GLDC: variants seen among roughly 807,000 people sequenced by gnomAD.
The protein encoded by GLDC is glycine decarboxylase.
GLDC carries 104 observed loss-of-function variants against 121.3 expected under a neutral mutation model. That is an observed-to-expected ratio of 0.86 (90% CI 0.73 to 1.01). The LOEUF is 1.01. Ranked by LOEUF, GLDC falls within the 50% of genes least tolerant of loss-of-function variation. The pLI is 0.00. For synonymous variants in GLDC, 546 were observed against 480.6 expected (o/e 1.14, Z -1.78); for missense variants, 1,429 against 1,306.6 (o/e 1.09, Z -1.44).
rs563282026 is a variant in GLDC, at chr9:6,567,895, A to G, written c.1851-2466T>C. Among the ~76,000 whole-genome samples, 44 of 152,372 alleles carry G rather than the reference A, an allele frequency of 2.9e-4. No homozygotes were observed. The South Asian group carries it at 9.1e-3, about 32-fold the overall frequency. On this transcript the variant is annotated intron_variant, in intron 15 of 24. Transcript: ENST00000321612. ...TATTCTTCAACAGGGAATATATAGA[A>G]CAGTACTCTGCATGTAGTAGTTCTG...
intron 15 of GLDC, among the ~76,000 whole-genome samples, chr9:6,576,747 G>A (rs1818073525): frequency 6.6e-6 from 1 of 152,186 alleles, no homozygotes; most frequent in Non-Finnish European, 1.5e-5. Flanking sequence ...GATTACAGGC[G>A]TGAACCACCG....
chr9:6,574,635 T>C (rs1012265654), intron 15 of GLDC, among the ~76,000 whole-genome samples: 4 of 152,120 alleles, frequency 2.6e-5, no homozygotes, highest in Admixed American at 2.0e-4. Flanking sequence ...GTTAAGGAAA[T>C]TGGGAAAGAG....
chr9:6,585,724 G>A (rs1818256349), intron 15 of GLDC, among the ~76,000 whole-genome samples: 4 of 152,170 alleles, frequency 2.6e-5, no homozygotes, highest in Admixed American at 6.5e-5. Context: ...ACTTTGAGCA[G>A]CAGGAGGTGA....
rs572761616 is a variant in GLDC, at chr9:6,564,045, C to T, written c.1926+1309G>A. 4.3e-3 allele frequency among the ~76,000 whole-genome samples: 655 copies of T among 151,982 alleles called. 2 individuals are homozygous for T. The highest frequency in any genetic ancestry group is 5.0e-3 in the Non-Finnish European group (338 of 67,960). On this transcript the variant is annotated intron_variant, in intron 16 of 24. Coordinates refer to ENST00000321612, the MANE Select transcript of GLDC (RefSeq NM_000170.3). ...GGTGGATCACCTGAGGTCAGGAGTT[C>T]GAGACTAGCCTGATCAACATGGTGA...
At chr9:6,620,358 C>T (rs1308331244) in intron 2 of GLDC, 39 bp from the exon 3 acceptor site, 11 of 1,568,548 alleles carry the variant, frequency 7.0e-6, no homozygotes, top group Non-Finnish European at 8.8e-6. Context: ...AGACAGATGT[C>T]TCAGAAAAGA....
At chr9:6,581,726 G>A (rs548855719) in intron 15 of GLDC, among the ~76,000 whole-genome samples, 2 of 152,162 alleles carry the variant, frequency 1.3e-5, no homozygotes, top group Non-Finnish European at 2.9e-5. Context: ...AGTGGATAAA[G>A]GTTAGACTAT....
intron 2 of GLDC, among the ~76,000 whole-genome samples, chr9:6,643,530 T>C (rs1819670918): frequency 7.7e-6 from 1 of 130,404 alleles, no homozygotes; most frequent in Non-Finnish European, 1.6e-5. Context: ...GATAACCAGA[T>C]GAGATTTTTT....
chr9:6,595,298 C>T (rs532721973), intron 8 of GLDC, among the ~76,000 whole-genome samples, 179 bp from the exon 9 acceptor site: 2 of 152,288 alleles, frequency 1.3e-5, no homozygotes, highest in South Asian at 2.1e-4. Flanking sequence ...CTGAAAGGAA[C>T]CATCATCCAA....
At chr9:6,622,019 G>C (rs1049857720) in intron 2 of GLDC, among the ~76,000 whole-genome samples, 6 of 152,042 alleles carry the variant, frequency 3.9e-5, no homozygotes, top group Non-Finnish European at 5.9e-5. Context: ...GAAAAACGTA[G>C]GTAAAGCAAA....
intron 18 of GLDC, among the ~76,000 whole-genome samples, chr9:6,555,238 C>T (rs887403218): frequency 5.3e-5 from 8 of 152,056 alleles, no homozygotes; most frequent in Admixed American, 1.3e-4. Context: ...GAAGGGGCTG[C>T]GGGGGCACCA....
rs767956460 is a variant in GLDC at position 6,604,713 on chromosome 9, G to A, written c.933C>T (p.Asp311=). Residue 311 remains aspartate (D), a synonymous_variant, in exon 7 of 25, where the codon GAC becomes GAT. Transcript: ENST00000321612. ...ILRPPGEFGV[D]IALGSSQRFG... is the part of the protein sequence containing the mutation. ...ATCTCTGGGAGCTGCCCAGGGCGAT[G>A]TCTACCCCAAATTCTCCAGGTGGCC... 3.7e-6 allele frequency: 6 copies of A among 1,614,120 alleles called. No homozygotes were observed. The highest frequency in any genetic ancestry group is 5.1e-6 in the Non-Finnish European group (6 of 1,179,960).
intron 4 of GLDC, among the ~76,000 whole-genome samples, chr9:6,609,626 A>C (rs992002094): frequency 2.5e-4 from 36 of 141,222 alleles, no homozygotes; most frequent in African/African-American, 4.9e-4. Flanking sequence ...CCTCACCCCC[A>C]CCCCCAGCCA....
Position 6,532,873 on chromosome 9 carries a change from CA to C in GLDC, c.*143del. On this transcript the variant is annotated 3_prime_UTR_variant, in exon 25 of 25. Coordinates refer to ENST00000321612, the MANE Select transcript of GLDC (RefSeq NM_000170.3). ...CGACTCCCTCCAGCTACTGTATTTA[CA>C]TTTACCTTGACAGAGATTACAGAGA... The C allele has an allele frequency of 2.7e-6, 2 of 747,194 alleles. No homozygotes were observed. The highest frequency in any genetic ancestry group is 4.9e-6 in the Non-Finnish European group (2 of 411,788). 46.3% of individuals were successfully genotyped at this position (747,194 alleles called of 1,614,324 possible). A position where few individuals can be genotyped will look rare whatever the true frequency, so the allele number is the denominator to read the frequency against.
In GLDC at chr9:6,536,205, C is replaced by T. The variant is rs780535258; in HGVS notation, c.2697G>A (p.Val899=). ...TGGGCTCCACCATGAGGGTCCCTGC[C>T]ACAGGCCAGGACATGGTAGGGGCGT... ...GFHAPTMSWP[V]AGTLMVEPTE... The change falls in exon 23 of 25, where the codon GTG becomes GTA. Residue 899 remains valine (V), a synonymous_variant. Coordinates refer to ENST00000321612, the MANE Select transcript of GLDC (RefSeq NM_000170.3). The T allele has an allele frequency of 3.3e-5, 54 of 1,613,986 alleles. No homozygotes were observed. The highest frequency in any genetic ancestry group is 4.6e-5 in the Non-Finnish European group (54 of 1,180,012).
rs752892944 is a variant in GLDC, at chr9:6,604,614, C to A, written c.1032G>T (p.Met344Ile). The A allele has an allele frequency of 6.2e-7, 1 of 1,612,916 alleles. No homozygotes were observed. The highest frequency in any genetic ancestry group is 1.1e-5 in the South Asian group (1 of 91,030). ...FAVRESLVRM[M>I]PGRMVGVTRD... ...TTGTTACCCCCACCATTCTTCCAGGCATCATTCTCACCAAGCTTTCTCGGA... is the reference window on the plus strand; with the variant it reads ...TTGTTACCCCCACCATTCTTCCAGGAATCATTCTCACCAAGCTTTCTCGGA... Residue 344 changes from methionine (M) to isoleucine (I), a missense_variant, in exon 7 of 25, where the codon ATG becomes ATT. Coordinates refer to ENST00000321612, the MANE Select transcript of GLDC (RefSeq NM_000170.3).
chr9:6,587,368 G>T, intron 14 of GLDC, 85 bp from the exon 15 acceptor site: 1 of 1,031,502 alleles, frequency 9.7e-7, no homozygotes, highest in Non-Finnish European at 1.5e-6. Flanking sequence ...ACGATGATGA[G>T]AAAAGCTATG....
intron 2 of GLDC, among the ~76,000 whole-genome samples, chr9:6,637,626 C>T (rs544259531): frequency 4.5e-4 from 69 of 151,952 alleles, no homozygotes; most frequent in South Asian, 1.0e-3. Flanking sequence ...ACCACCACAG[C>T]CAGCTAATTT....
rs974574235 is a variant in GLDC at position 6,623,043 on chromosome 9, C to T, written c.335-2724G>A. The T allele has an allele frequency of 1.3e-4, 22 of 175,522 alleles. 1 individual carries two copies. Among genetic ancestry groups the T allele is most frequent in the African/African-American group, 4.5e-4 (16 of 35,204 alleles). The allele number at this position is 175,522 out of a possible 1,614,324, so 10.9% of individuals were successfully genotyped here. The stretch of plus-strand genomic sequence containing the variant: ...GCCGCCCTGTCTGGGAGGTGAGGGG[C>T]GCCTCTGCCCCGCCGCCCCTACGGG... On this transcript the variant is annotated intron_variant, in intron 2 of 24. Coordinates refer to ENST00000321612, the MANE Select transcript of GLDC (RefSeq NM_000170.3).
intron 21 of GLDC, among the ~76,000 whole-genome samples, chr9:6,543,780 T>C (rs945752398): frequency 3.3e-5 from 5 of 151,888 alleles, no homozygotes; most frequent in African/African-American, 1.2e-4. Flanking sequence ...AAGTGGAAAC[T>C]GAATAAACCA....
Sources: gnomAD v4.1 joint callset for allele counts (sites outside exome capture counted in the v4.1 genomes callset) on GRCh38, gnomAD v4.1.1 for gene constraint, MANE v1.5 for transcripts, NCBI Gene and HGNC (gene_info 2026-07-23, HGNC 2026-07-21) for gene names.